KCNN2: variants seen among roughly 807,000 people sequenced by gnomAD.
The protein encoded by KCNN2 is potassium calcium-activated channel subfamily N member 2.
A neutral mutation model predicts 55.5 loss-of-function variants in KCNN2; 24 were observed. The ratio of observed to expected loss-of-function variants is 0.43; its 90% confidence interval spans 0.31 to 0.61. KCNN2 has a LOEUF of 0.61. Ranked by LOEUF, KCNN2 falls within the 20% of genes least tolerant of loss-of-function variation. The pLI is 0.08. For synonymous variants in KCNN2, 431 were observed against 336.1 expected (o/e 1.28, Z -3.09); for missense variants, 754 against 853.6 (o/e 0.88, Z 1.45).
intron 2 of KCNN2, among the ~76,000 whole-genome samples, chr5:114,274,256 GA>G (rs879943598): frequency 1.3e-4 from 19 of 150,762 alleles, no homozygotes; most frequent in Non-Finnish European, 2.8e-4. Flanking sequence ...TGTATAGTTT[GA>G]AGTCAGGTAG....
intron 2 of KCNN2, among the ~76,000 whole-genome samples, chr5:114,233,712 A>G (rs1754412476): frequency 6.6e-6 from 1 of 152,218 alleles, no homozygotes; most frequent in Admixed American, 6.5e-5. Flanking sequence ...ATTTTAATCA[A>G]TTAAGATTAA....
chr5:114,233,211 C>T (rs1447676917), intron 2 of KCNN2, among the ~76,000 whole-genome samples: 1 of 152,034 alleles, frequency 6.6e-6, no homozygotes, highest in East Asian at 1.9e-4. Context: ...TGAGCCACCG[C>T]GCCCGGCCTA....
intron 1 of KCNN2, among the ~76,000 whole-genome samples, chr5:114,058,713 G>A (rs926225456): frequency 2.0e-5 from 3 of 152,162 alleles, no homozygotes; most frequent in Non-Finnish European, 4.4e-5. Flanking sequence ...GAGGTGGACT[G>A]GGACCAGATC....
At chr5:114,327,409 C>G (rs1254361102) in intron 2 of KCNN2, among the ~76,000 whole-genome samples, 2 of 152,204 alleles carry the variant, frequency 1.3e-5, no homozygotes, top group African/African-American at 4.8e-5. Flanking sequence ...TGGATAAACA[C>G]TTTTGGTGCA....
intron 1 of KCNN2, among the ~76,000 whole-genome samples, chr5:114,067,355 G>T (rs1399440185): frequency 6.6e-6 from 1 of 152,154 alleles, no homozygotes; most frequent in African/African-American, 2.4e-5. Context: ...CCCCAGACTG[G>T]CTCAGTTGAA....
intron 1 of KCNN2, among the ~76,000 whole-genome samples, chr5:114,219,470 T>G (rs898316555): frequency 1.3e-5 from 2 of 152,096 alleles, no homozygotes; most frequent in South Asian, 4.1e-4. Flanking sequence ...GGTGGGTAGG[T>G]AATCCTCACC....
intron 2 of KCNN2, among the ~76,000 whole-genome samples, chr5:114,376,972 T>C (rs1757965544): frequency 6.6e-6 from 1 of 152,162 alleles, no homozygotes; most frequent in Non-Finnish European, 1.5e-5. Context: ...TGCATGCCTG[T>C]AGTCCTAGCT....
intron 2 of KCNN2, among the ~76,000 whole-genome samples, chr5:114,349,676 C>T (rs1757172641): frequency 6.6e-6 from 1 of 151,886 alleles, no homozygotes; most frequent in Non-Finnish European, 1.5e-5. Flanking sequence ...TGAATTGTTT[C>T]TACTTTTTGG....
At chr5:114,056,640 C>G (rs1269208302) in intron 1 of KCNN2, 1 of 389,236 alleles carries the variant, frequency 2.6e-6, no homozygotes, top group Non-Finnish European at 4.5e-6. Context: ...CCAGCACCCA[C>G]TCATACCTTA....
At chr5:114,432,602 C>T in intron 3 of KCNN2, among the ~76,000 whole-genome samples, 1 of 152,288 alleles carries the variant, frequency 6.6e-6, no homozygotes, top group East Asian at 1.9e-4. Context: ...GCCCTTCAGC[C>T]CACCGCTGCA....
rs564039594 is a variant in KCNN2 at position 114,249,183 on chromosome 5, T to C, written c.-185+27618T>C. On this transcript the variant is annotated intron_variant, in intron 2 of 10. Transcript: ENST00000512097. ...TGATTCAATGGAGATTAACATTTCTTTTTTTTTAGACATGAACTTAAAGTT... is the reference window on the plus strand; with the variant it reads ...TGATTCAATGGAGATTAACATTTCTCTTTTTTTAGACATGAACTTAAAGTT... Among the ~76,000 whole-genome samples, 154 of 143,386 alleles carry C rather than the reference T, an allele frequency of 1.1e-3. 1 individual carries two copies. The highest frequency in any genetic ancestry group is 8.1e-4 in the Admixed American group (12 of 14,878). The allele number at this position is 143,386 out of a possible 152,430, so 94.1% of individuals were successfully genotyped here. A position where few individuals can be genotyped will look rare whatever the true frequency, so the allele number is the denominator to read the frequency against.
At position 114,340,740 on chromosome 5, in the gene KCNN2, T is replaced by C. The variant is rs569201406; in HGVS notation, c.-184-20205T>C. On this transcript the variant is annotated intron_variant, in intron 2 of 10. Coordinates refer to the KCNN2 transcript ENST00000512097. ...CTCTTAGCAAACTTCAAGTACACTA[T>C]ACAGTATTAATCACTATATCAGTAG... Among the ~76,000 whole-genome samples, 8 of 152,184 alleles carry C rather than the reference T, an allele frequency of 5.3e-5. No homozygotes were observed. In the East Asian group the frequency reaches 1.4e-3, roughly 26 times the overall value.
At chr5:114,387,608 C>T (rs1758324389) in intron 2 of KCNN2, among the ~76,000 whole-genome samples, 1 of 152,142 alleles carries the variant, frequency 6.6e-6, no homozygotes, top group African/African-American at 2.4e-5. Flanking sequence ...CATGTGTTCC[C>T]AGTTGCTAAG....
chr5:114,190,665 A>G (rs982022724), intron 1 of KCNN2, among the ~76,000 whole-genome samples: 1 of 152,144 alleles, frequency 6.6e-6, no homozygotes, highest in African/African-American at 2.4e-5. Context: ...TGTTTTCTAA[A>G]TGAGACTAAA....
intron 2 of KCNN2, among the ~76,000 whole-genome samples, chr5:114,257,509 T>C (rs1171464819): frequency 6.6e-6 from 1 of 152,132 alleles, no homozygotes; most frequent in Non-Finnish European, 1.5e-5. Context: ...TCCCATTTGT[T>C]TGTATTATCT....
At chr5:114,482,168 T>A (rs1187780286) in intron 5 of KCNN2, among the ~76,000 whole-genome samples, 1 of 152,032 alleles carries the variant, frequency 6.6e-6, no homozygotes, top group African/African-American at 2.4e-5. Flanking sequence ...CTACAAGAAC[T>A]TAAACAAATT....
chr5:114,219,326 C>T (rs1441817551), intron 1 of KCNN2, among the ~76,000 whole-genome samples: 1 of 152,212 alleles, frequency 6.6e-6, no homozygotes, highest in Admixed American at 6.5e-5. Flanking sequence ...TATCTGCACT[C>T]ATGGCTCCCA....
rs145492133 is a variant in KCNN2, at chr5:114,456,993, T to C, written c.1638-6056T>C. The stretch of plus-strand genomic sequence containing the variant: ...ACATTGTTGAAATGACAACAAAGAC[T>C]TTAGAAAATACATAAACTTAGTTGA... On this transcript the variant is annotated intron_variant, in intron 3 of 7. Transcript: ENST00000673685. Among the ~76,000 whole-genome samples the C allele has an allele frequency of 3.3e-5, 5 of 152,332 alleles. No homozygotes were observed. The East Asian group carries it at 9.6e-4, about 29-fold the overall frequency.
intron 1 of KCNN2, among the ~76,000 whole-genome samples, chr5:114,105,947 C>T (rs1313165496): frequency 1.3e-5 from 2 of 151,992 alleles, no homozygotes; most frequent in East Asian, 3.9e-4. Flanking sequence ...TCATTTATTA[C>T]AGTTTTCTAA....
Sources: allele counts gnomAD v4.1 joint callset (sites outside exome capture counted in the v4.1 genomes callset), GRCh38; gene constraint gnomAD v4.1.1; transcripts MANE v1.5; gene names NCBI Gene and HGNC (gene_info 2026-07-23, HGNC 2026-07-21).